SYNE2: variants seen among roughly 807,000 people sequenced by gnomAD.
SYNE2 encodes the protein spectrin repeat containing nuclear envelope protein 2.
A neutral mutation model predicts 856.3 loss-of-function variants in SYNE2; 431 were observed. The observed-to-expected ratio is 0.50, with a 90% CI of 0.47 to 0.55. SYNE2 has a LOEUF of 0.55. SYNE2 is among the 20% of genes least tolerant of loss of function. The pLI is 0.00. For synonymous variants in SYNE2, 2,923 were observed against 2,872.3 expected (o/e 1.02, Z -0.56); for missense variants, 8,129 against 8,023.2 (o/e 1.01, Z -0.50).
At position 64,010,456 on chromosome 14, in the gene SYNE2, AG is replaced by A. The variant is rs548599056; in HGVS notation, c.4728+341del. Among the ~76,000 whole-genome samples the A allele has an allele frequency of 5.5e-3, 842 of 152,202 alleles. 5 individuals carry two copies. The highest frequency in any genetic ancestry group is 0.02 in the African/African-American group (812 of 41,466). ...CTTCATTGCAGGCTTGACAGAAGGA[AG>A]ACGGTGGGAAAATCCTCTCTGTTGT... On this transcript the variant is annotated intron_variant, in intron 32 of 115. Coordinates refer to ENST00000555002, the MANE Select transcript of SYNE2 (RefSeq NM_182914.3).
chr14:63,814,565 T>G (rs1462951733), intron 1 of SYNE2, among the ~76,000 whole-genome samples: 1 of 139,364 alleles, frequency 7.2e-6, no homozygotes, highest in Non-Finnish European at 1.5e-5. Context: ...ATATAATATA[T>G]ATCCTTATAT....
chr14:63,784,899 G>T (rs778244789), intron 1 of SYNE2, among the ~76,000 whole-genome samples: 4 of 152,070 alleles, frequency 2.6e-5, no homozygotes, highest in Non-Finnish European at 4.4e-5. Flanking sequence ...GCACACATAT[G>T]TGTTTGTTTA....
chr14:64,016,248 T>A (rs886323750), intron 32 of SYNE2, among the ~76,000 whole-genome samples: 47 of 152,202 alleles, frequency 3.1e-4, no homozygotes, highest in African/African-American at 1.1e-3. Flanking sequence ...CAGAGTGGGA[T>A]GAAATTTGAG....
chr14:63,968,533 A>G (rs891841101), intron 11 of SYNE2, among the ~76,000 whole-genome samples: 1 of 152,182 alleles, frequency 6.6e-6, no homozygotes, highest in African/African-American at 2.4e-5. Flanking sequence ...GAATTTGTGC[A>G]TGTGTGTCTG....
Position 64,139,411 on chromosome 14 carries a change from A to T in SYNE2, c.14844-530A>T, listed in dbSNP as rs889177163. Among the ~76,000 whole-genome samples the T allele has an allele frequency of 4.5e-4, 67 of 149,898 alleles. 1 individual carries two copies. Among genetic ancestry groups the T allele is most frequent in the Middle Eastern group, 3.5e-3 (1 of 286 alleles). On this transcript the variant is annotated intron_variant, in intron 79 of 115. Coordinates refer to ENST00000555002, the MANE Select transcript of SYNE2 (RefSeq NM_182914.3). ...TGCTTTAGACTTCCTCATTATTATT[A>T]TTATTTTTTTTTTTATTTGAGACAG...
intron 1 of SYNE2, among the ~76,000 whole-genome samples, chr14:63,898,648 G>A (rs890033567): frequency 2.0e-5 from 3 of 151,876 alleles, no homozygotes; most frequent in Non-Finnish European, 4.4e-5. Context: ...CAAGCGATTC[G>A]CCCACCTTGG....
intron 12 of SYNE2, among the ~76,000 whole-genome samples, chr14:63,977,401 A>T (rs1401581522): frequency 6.6e-6 from 1 of 152,066 alleles, no homozygotes; most frequent in Non-Finnish European, 1.5e-5. Flanking sequence ...TTTAGTAGAG[A>T]TGGGGTTTCA....
intron 1 of SYNE2, among the ~76,000 whole-genome samples, chr14:63,861,841 C>A (rs1339755584): frequency 6.6e-6 from 1 of 152,074 alleles, no homozygotes; most frequent in East Asian, 1.9e-4. Context: ...AAAACAAATT[C>A]AAAATGATAC....
intron 104 of SYNE2, 74 bp from the exon 105 acceptor site, chr14:64,212,737 C>A: frequency 7.3e-7 from 1 of 1,370,712 alleles, no homozygotes; most frequent in Non-Finnish European, 1.0e-6. Flanking sequence ...TTTCTATGGC[C>A]CTGTTAGAAG....
intron 76 of SYNE2, 81 bp from the exon 77 acceptor site, chr14:64,132,184 T>G (rs909942630): frequency 8.9e-5 from 134 of 1,511,972 alleles, no homozygotes; most frequent in Non-Finnish European, 1.1e-4. Flanking sequence ...CAAAAATAAC[T>G]GGATATAAAG....
chr14:64,034,586 A>G (rs1305004953), intron 45 of SYNE2: 2 of 545,628 alleles, frequency 3.7e-6, no homozygotes, highest in Non-Finnish European at 6.7e-6. Flanking sequence ...TTTCAGATGA[A>G]ATGCAGGTGA....
At chr14:64,108,364 A>ATG (rs199993866) in intron 65 of SYNE2, among the ~76,000 whole-genome samples, 1 of 150,656 alleles carries the variant, frequency 6.6e-6, no homozygotes. Context: ...TTTTAAAAAA[A>ATG]TGTATATATA....
At chr14:63,840,512 CTTT>C (rs779817027) in intron 1 of SYNE2, among the ~76,000 whole-genome samples, 1 of 120,430 alleles carries the variant, frequency 8.3e-6, no homozygotes. Context: ...TCCTTCCTTC[CTTT>C]TTTTTTTTTT....
chr14:64,053,784 C>T, intron 48 of SYNE2, 127 bp downstream of exon 48: 1 of 834,186 alleles, frequency 1.2e-6, no homozygotes, highest in South Asian at 1.9e-5. Flanking sequence ...GCCAACATGG[C>T]AAAACTGCAT....
At chr14:64,111,199 CAA>C (rs35950915) in intron 65 of SYNE2, among the ~76,000 whole-genome samples, 3 of 129,744 alleles carry the variant, frequency 2.3e-5, no homozygotes, top group Non-Finnish European at 3.3e-5. Context: ...GACCCCATCT[CAA>C]AAAAAAAAAA....
At chr14:63,806,034 G>A (rs1420126873) in intron 1 of SYNE2, among the ~76,000 whole-genome samples, 1 of 152,112 alleles carries the variant, frequency 6.6e-6, no homozygotes, top group Non-Finnish European at 1.5e-5. Context: ...AGGATGATGA[G>A]AGTGGGCATC....
chr14:63,998,270 C>T lies in SYNE2; in HGVS notation c.3295C>T (p.Gln1099Ter). ...CCTGGCATCAGTGTTAAGGCCTCTG[C>T]AAGAAGAAAGCATTATGGAAAAGGA... ...FSLASVLRPLQEESIMEKDYS... is the reference protein window; with the variant it reads ...FSLASVLRPL The change falls in exon 26 of 116, where the codon CAA (glutamine) becomes TAA (stop). Residue 1099 changes from glutamine (Q) to a stop codon, truncating the protein, a stop_gained. Coordinates refer to ENST00000555002, the MANE Select transcript of SYNE2 (RefSeq NM_182914.3). LOFTEE classifies it high-confidence loss of function. 6.2e-7 allele frequency: 1 copy of T among 1,613,982 alleles called. No homozygotes were observed. Among genetic ancestry groups the T allele is most frequent in the Non-Finnish European group, 8.5e-7 (1 of 1,179,932 alleles).
At chr14:64,180,525 A>G (rs1021952062) in intron 96 of SYNE2, among the ~76,000 whole-genome samples, 74 of 143,634 alleles carry the variant, frequency 5.2e-4, no homozygotes, top group African/African-American at 1.9e-3. Context: ...TTTTTTTGAG[A>G]TGGAGCTTCG....
chr14:63,828,682 G>A (rs1286144511), intron 1 of SYNE2, among the ~76,000 whole-genome samples: 4 of 152,028 alleles, frequency 2.6e-5, no homozygotes, highest in African/African-American at 9.7e-5. Flanking sequence ...AGTGAGCCAA[G>A]ATCATGACAC....
Sources: allele counts gnomAD v4.1 joint callset (sites outside exome capture counted in the v4.1 genomes callset), GRCh38; gene constraint gnomAD v4.1.1; transcripts MANE v1.5; gene names NCBI Gene and HGNC (gene_info 2026-07-23, HGNC 2026-07-21).